ATP8A1: variants seen among roughly 807,000 people sequenced by gnomAD.
ATP8A1 encodes the protein phospholipid-transporting ATPase IA.
Under a neutral mutation model 177.7 loss-of-function variants are expected in ATP8A1, and 90 were observed. The ratio of observed to expected loss-of-function variants is 0.51; its 90% confidence interval spans 0.43 to 0.60. The LOEUF (loss-of-function observed/expected upper bound fraction) is 0.60. Ranked by LOEUF, ATP8A1 falls within the 20% of genes least tolerant of loss-of-function variation. ATP8A1 has a pLI of 0.00. For missense variants in ATP8A1, 1,072 were observed against 1,392.8 expected (o/e 0.77, Z 3.67); for synonymous variants, 493 against 485.9 (o/e 1.01, Z -0.19).
intron 24 of ATP8A1, among the ~76,000 whole-genome samples, chr4:42,495,292 TAA>T (rs1300675677): frequency 5.7e-4 from 87 of 152,354 alleles, no homozygotes; most frequent in Non-Finnish European, 2.9e-5. Context: ...AGCACGTTCT[TAA>T]AGAGTGAGTT....
chr4:42,560,982 G>T (rs891405100), intron 15 of ATP8A1, among the ~76,000 whole-genome samples: 1 of 152,042 alleles, frequency 6.6e-6, no homozygotes, highest in Non-Finnish European at 1.5e-5. Context: ...TTTTAAACAT[G>T]TTTATTTATA....
intron 1 of ATP8A1, among the ~76,000 whole-genome samples, chr4:42,650,147 C>T (rs1392656656): frequency 1.3e-5 from 2 of 152,172 alleles, no homozygotes; most frequent in Non-Finnish European, 2.9e-5. Flanking sequence ...TAGGTATATG[C>T]TTCAATTCTG....
chr4:42,483,420 G>T (rs558289834), intron 25 of ATP8A1, among the ~76,000 whole-genome samples: 1 of 151,438 alleles, frequency 6.6e-6, no homozygotes, highest in East Asian at 1.9e-4. Flanking sequence ...AAAACTCAGT[G>T]TCTGCGTAGG....
In ATP8A1 at chr4:42,447,212, C is replaced by A. The variant is rs533150581; in HGVS notation, c.2897-568G>T. ...TATTTATTTATTTTTTTTAGACGGTCTTACTTTGTCATCCAGGTTGGAGTG... is the reference window on the plus strand; with the variant it reads ...TATTTATTTATTTTTTTTAGACGGTATTACTTTGTCATCCAGGTTGGAGTG... On this transcript the variant is annotated intron_variant, in intron 30 of 36. Transcript: ENST00000381668. Among the ~76,000 whole-genome samples, 5 of 152,208 alleles carry A rather than the reference C, an allele frequency of 3.3e-5. No individual in the cohort carries two copies. The East Asian group carries it at 9.7e-4, about 29-fold the overall frequency.
intron 8 of ATP8A1, among the ~76,000 whole-genome samples, chr4:42,587,171 T>C (rs1436504663): frequency 6.6e-6 from 1 of 152,118 alleles, no homozygotes; most frequent in African/African-American, 2.4e-5. Flanking sequence ...CCAAGATGAG[T>C]AAGATGAGTG....
chr4:42,587,310 CTTTTTTTT>C (rs991848308), intron 8 of ATP8A1, among the ~76,000 whole-genome samples: 1 of 137,438 alleles, frequency 7.3e-6, no homozygotes, highest in African/African-American at 2.7e-5. Context: ...CTTTTCTTTT[CTTTTTTTT>C]TTTTTTTGAG....
chr4:42,589,025 A>G (rs1455278528), intron 7 of ATP8A1, among the ~76,000 whole-genome samples: 1 of 152,200 alleles, frequency 6.6e-6, no homozygotes, highest in Non-Finnish European at 1.5e-5. Context: ...TCCTTGACCT[A>G]GAAGATGCAC....
chr4:42,440,578 A>G (rs575356352), intron 33 of ATP8A1, among the ~76,000 whole-genome samples: 3 of 152,264 alleles, frequency 2.0e-5, no homozygotes, highest in Non-Finnish European at 4.4e-5. Flanking sequence ...CAGTGCCTAG[A>G]ATAGCGTCAG....
intron 14 of ATP8A1, among the ~76,000 whole-genome samples, chr4:42,572,210 A>G (rs1731978196): frequency 6.6e-6 from 1 of 152,210 alleles, no homozygotes. Flanking sequence ...ACTGGGGTTA[A>G]AAGTGCTCAT....
At chr4:42,577,200 C>T (rs1251658423) in intron 12 of ATP8A1, among the ~76,000 whole-genome samples, 1 of 152,168 alleles carries the variant, frequency 6.6e-6, no homozygotes. Context: ...GATTATCTAG[C>T]TTACTTATGT....
At chr4:42,546,198 T>C (rs528448851) in intron 19 of ATP8A1, among the ~76,000 whole-genome samples, 1 of 152,132 alleles carries the variant, frequency 6.6e-6, no homozygotes, top group South Asian at 2.1e-4. Flanking sequence ...CTTCTCCTTC[T>C]GTAAGGATCC....
chr4:42,593,572 T>C (rs1734410146), intron 6 of ATP8A1, among the ~76,000 whole-genome samples: 1 of 152,058 alleles, frequency 6.6e-6, no homozygotes, highest in Non-Finnish European at 1.5e-5. Flanking sequence ...TATTCATATG[T>C]GGATTTACAA....
At position 42,410,443 on chromosome 4, in the gene ATP8A1, A is replaced by G. The variant is rs1712465034; in HGVS notation, c.*2473T>C. 6.6e-6 allele frequency: 1 copy of G among 152,196 alleles called. No individual in the cohort carries two copies. The highest frequency in any genetic ancestry group is 2.4e-5 in the African/African-American group (1 of 41,454). 9.4% of individuals were successfully genotyped at this position (152,196 alleles called of 1,614,324 possible). ...AAAAGTCACATTGACTGTTTATTTC[A>G]ATCCTGGTAAAACCATGTGACTTTT... is the stretch of plus-strand genomic sequence containing the variant. On this transcript the variant is annotated 3_prime_UTR_variant, in exon 37 of 37. Coordinates refer to ENST00000381668, the MANE Select transcript of ATP8A1 (RefSeq NM_006095.2).
intron 5 of ATP8A1, among the ~76,000 whole-genome samples, chr4:42,610,429 C>T (rs564097180): frequency 8.5e-5 from 13 of 152,106 alleles, no homozygotes; most frequent in African/African-American, 3.1e-4. Context: ...AGCAGACTAC[C>T]TGGTTTAAAT....
At chr4:42,427,803 G>C (rs1463359289) in intron 33 of ATP8A1, among the ~76,000 whole-genome samples, 2 of 152,208 alleles carry the variant, frequency 1.3e-5, no homozygotes, top group Non-Finnish European at 2.9e-5. Flanking sequence ...AGCAGCGTAA[G>C]GCTTCAAGAA....
chr4:42,540,808 G>T (rs6827552), intron 20 of ATP8A1, among the ~76,000 whole-genome samples: 42,050 of 151,816 alleles, frequency 0.28, 5,983 homozygotes, highest in South Asian at 0.41. Flanking sequence ...GAAGGAGGGA[G>T]GATAAAGAGG....
At chr4:42,456,205 T>C (rs1718468431) in intron 27 of ATP8A1, among the ~76,000 whole-genome samples, 1 of 152,180 alleles carries the variant, frequency 6.6e-6, no homozygotes, top group South Asian at 2.1e-4. Flanking sequence ...AATGGATATG[T>C]AACCTCTACA....
intron 33 of ATP8A1, among the ~76,000 whole-genome samples, chr4:42,441,949 T>A (rs1716692469): frequency 6.6e-6 from 1 of 152,326 alleles, no homozygotes; most frequent in South Asian, 2.1e-4. Flanking sequence ...CTGACATTCA[T>A]TTCACTTTGA....
At chr4:42,507,797 A>ACAAAAC (rs1236978027) in intron 22 of ATP8A1, among the ~76,000 whole-genome samples, 1 of 141,010 alleles carries the variant, frequency 7.1e-6, no homozygotes, top group African/African-American at 2.7e-5. Context: ...AAAAAAAAAA[A>ACAAAAC]AAAAAAAAAA....
Sources: allele counts gnomAD v4.1 joint callset (sites outside exome capture counted in the v4.1 genomes callset), GRCh38; gene constraint gnomAD v4.1.1; transcripts MANE v1.5; gene names NCBI Gene and HGNC (gene_info 2026-07-23, HGNC 2026-07-21).